The following TRPC1 variants were observed in gnomAD, a reference collection of about 807,000 sequenced individuals.
TRPC1 encodes transient receptor potential cation channel subfamily C member 1.
In TRPC1, 42 loss-of-function variants were observed where a neutral mutation model predicts 88.2. That is an observed-to-expected ratio of 0.48 (90% CI 0.37 to 0.62). The LOEUF (loss-of-function observed/expected upper bound fraction) is 0.62, where lower values mean the gene tolerates loss of function less well. Among genes scored for constraint, TRPC1 ranks in the 20% least tolerant of loss-of-function variants. The pLI, the probability that TRPC1 is intolerant of heterozygous loss-of-function variation, is 0.00. For missense variants in TRPC1, 699 were observed against 957.3 expected (o/e 0.73, Z 3.56); for synonymous variants, 288 against 331.8 (o/e 0.87, Z 1.43).
At chr3:142,754,975 A>G (rs975581399) in intron 4 of TRPC1, among the ~76,000 whole-genome samples, 2 of 152,344 alleles carry the variant, frequency 1.3e-5, no homozygotes, top group Middle Eastern at 3.4e-3. Context: ...GTATTGTGAC[A>G]TTATGCTTCC....
rs950275909 is a variant in TRPC1, at chr3:142,807,821, G to A, written c.*1586G>A. On this transcript the variant is annotated 3_prime_UTR_variant, in exon 13 of 13. Transcript: ENST00000476941. ...ATGCATGAGTTGAGTTGCTTCTGAGGTACATTTTGAATGACAGCATATTGT... is the reference window on the plus strand; with the variant it reads ...ATGCATGAGTTGAGTTGCTTCTGAGATACATTTTGAATGACAGCATATTGT... 6.6e-6 allele frequency: 1 copy of A among 151,780 alleles called. No individual in the cohort carries two copies. Among genetic ancestry groups the A allele is most frequent in the African/African-American group, 2.4e-5 (1 of 41,302 alleles). The allele number at this position is 151,780 out of a possible 1,614,324, so 9.4% of individuals were successfully genotyped here.
chr3:142,760,794 A>T (rs962741162), intron 4 of TRPC1, among the ~76,000 whole-genome samples: 5 of 150,792 alleles, frequency 3.3e-5, no homozygotes, highest in Non-Finnish European at 5.9e-5. Flanking sequence ...TAGATCTTTC[A>T]CTTCTTTGGT....
At chr3:142,768,218 T>C (rs1471370368) in intron 4 of TRPC1, among the ~76,000 whole-genome samples, 1 of 152,132 alleles carries the variant, frequency 6.6e-6, no homozygotes, top group Non-Finnish European at 1.5e-5. Flanking sequence ...TTTCATAGTG[T>C]TGTTTAAATA....
At chr3:142,751,464 G>C (rs1216007875) in intron 4 of TRPC1, among the ~76,000 whole-genome samples, 1 of 152,100 alleles carries the variant, frequency 6.6e-6, no homozygotes, top group Non-Finnish European at 1.5e-5. Flanking sequence ...GTATTTAATG[G>C]GCTATGTCAA....
rs558326258 is a variant in TRPC1 at position 142,737,859 on chromosome 3, G to A, written c.327+1326G>A. On this transcript the variant is annotated intron_variant, in intron 2 of 12. Coordinates refer to ENST00000476941, the MANE Select transcript of TRPC1 (RefSeq NM_001251845.2). ...TATATATGTGTGTTTGTGTATGTGC[G>A]TTTGTGTGTTTATAAGACACAAAAG... is the stretch of plus-strand genomic sequence containing the variant. 2.4e-3 allele frequency among the ~76,000 whole-genome samples: 360 copies of A among 152,172 alleles called. 1 individual carries two copies. The highest frequency in any genetic ancestry group is 4.5e-3 in the Non-Finnish European group (306 of 67,992).
In TRPC1 at chr3:142,770,283, G is replaced by T. The variant is rs190430174; in HGVS notation, c.633-7349G>T. Among the ~76,000 whole-genome samples the T allele has an allele frequency of 1.2e-4, 18 of 151,878 alleles. No individual in the cohort carries two copies. In the East Asian group the frequency reaches 2.5e-3, roughly 21 times the overall value. On this transcript the variant is annotated intron_variant, in intron 4 of 12. Coordinates refer to ENST00000476941, the MANE Select transcript of TRPC1 (RefSeq NM_001251845.2). ...GGCTAATTTTTGTCTTTTTAGTAGA[G>T]ATGGGGTTTCACTATGTTGGCCAGG...
At chr3:142,788,907 G>T (rs1028932017) in intron 7 of TRPC1, among the ~76,000 whole-genome samples, 1 of 152,120 alleles carries the variant, frequency 6.6e-6, no homozygotes, top group African/African-American at 2.4e-5. Context: ...TTGCAGAGGA[G>T]CTGGGAAACT....
intron 1 of TRPC1, among the ~76,000 whole-genome samples, chr3:142,733,537 G>C (rs1934013023): frequency 6.6e-6 from 1 of 151,990 alleles, no homozygotes; most frequent in African/African-American, 2.4e-5. Context: ...AAACTTTAAA[G>C]CTGGAATATA....
At chr3:142,734,574 A>T (rs1334613154) in intron 1 of TRPC1, among the ~76,000 whole-genome samples, 1 of 152,180 alleles carries the variant, frequency 6.6e-6, no homozygotes. Context: ...CAATATGGAG[A>T]TGAAGCAATA....
chr3:142,802,221 T>G lies in TRPC1; in HGVS notation c.1634T>G (p.Leu545Arg). 3 of 1,596,474 alleles carry G rather than the reference T, an allele frequency of 1.9e-6. No homozygotes were observed. The highest frequency in any genetic ancestry group is 2.6e-6 in the Non-Finnish European group (3 of 1,173,376). The change falls in exon 10 of 13, where the codon CTT (leucine) becomes CGT (arginine). Residue 545 changes from leucine (L) to arginine (R), a missense_variant. By Grantham distance (102) the Leu-to-Arg change is moderately radical. Around this residue, in one of 4 missense-constraint regions of TRPC1, gnomAD observed 426 missense variants for 641.3 expected, o/e 0.66. Coordinates refer to ENST00000476941, the MANE Select transcript of TRPC1 (RefSeq NM_001251845.2). The part of the protein sequence containing the change: ...QDFGKFLGMF[L>R]LVLFSFTIGL... ...TTTGGAAAATTTCTTGGGATGTTTC[T>G]TCTTGTTTTGTTTTCTTTCACAATT... is the stretch of plus-strand genomic sequence containing the variant.
chr3:142,798,277 T>C (rs867851892), intron 9 of TRPC1, among the ~76,000 whole-genome samples: 3 of 152,122 alleles, frequency 2.0e-5, no homozygotes, highest in Non-Finnish European at 2.9e-5. Context: ...ATTAAGAAAC[T>C]AAGAAAGTGG....
At chr3:142,753,075 A>G (rs1209523706) in intron 4 of TRPC1, among the ~76,000 whole-genome samples, 1 of 152,122 alleles carries the variant, frequency 6.6e-6, no homozygotes, top group Admixed American at 6.5e-5. Flanking sequence ...TTTCCCTACA[A>G]TTAAGTGTGA....
chr3:142,759,555 G>A (rs568845978), intron 4 of TRPC1, among the ~76,000 whole-genome samples: 2 of 152,192 alleles, frequency 1.3e-5, no homozygotes, highest in African/African-American at 4.8e-5. Context: ...TAAGTTCTTT[G>A]TAGATTCTGG....
chr3:142,803,804 GTTTAAA>G, intron 10 of TRPC1, among the ~76,000 whole-genome samples, 167 bp from the exon 11 acceptor site: 1 of 152,132 alleles, frequency 6.6e-6, no homozygotes. Flanking sequence ...GGGTCTCTTT[GTTTAAA>G]TTTAAAGTAA....
chr3:142,805,143 C>T (rs933365481), intron 12 of TRPC1, among the ~76,000 whole-genome samples: 2 of 151,028 alleles, frequency 1.3e-5, no homozygotes, highest in East Asian at 1.9e-4. Context: ...CACACACACA[C>T]ACACACACAC....
chr3:142,748,212 G>T, intron 3 of TRPC1, 46 bp from the exon 4 acceptor site: 1 of 1,448,900 alleles, frequency 6.9e-7, no homozygotes, highest in Admixed American at 1.9e-5. Context: ...TATATTTTTT[G>T]AAGTCACAAA....
At chr3:142,752,355 A>G (rs1934796626) in intron 4 of TRPC1, among the ~76,000 whole-genome samples, 1 of 152,292 alleles carries the variant, frequency 6.6e-6, no homozygotes, top group Non-Finnish European at 1.5e-5. Flanking sequence ...GGAAAGTACT[A>G]TGCCTGGACG....
rs564507482 is a variant in TRPC1, at chr3:142,740,951, G to C, written c.328-2534G>C. 2.6e-5 allele frequency among the ~76,000 whole-genome samples: 4 copies of C among 152,182 alleles called. No homozygotes were observed. In the South Asian group the frequency reaches 8.3e-4, roughly 32 times the overall value. On this transcript the variant is annotated intron_variant, in intron 2 of 12. Coordinates refer to ENST00000476941, the MANE Select transcript of TRPC1 (RefSeq NM_001251845.2). ...GGACCAGGGTTCTAAAGATTGGAGAGCATCAAATAGAATACTAAGGTGGAA... is the reference window on the plus strand; with the variant it reads ...GGACCAGGGTTCTAAAGATTGGAGACCATCAAATAGAATACTAAGGTGGAA...
At chr3:142,793,922 G>T (rs1936372213) in intron 9 of TRPC1, 1 of 984,464 alleles carries the variant, frequency 1.0e-6, no homozygotes, top group Non-Finnish European at 1.2e-6. Context: ...CCTGAAGTGT[G>T]GCTCTCTTAA....
Sources: allele counts gnomAD v4.1 joint callset (sites outside exome capture counted in the v4.1 genomes callset), GRCh38; gene constraint gnomAD v4.1.1; regional missense constraint gnomAD v4.1.1; transcripts MANE v1.5; gene names NCBI Gene and HGNC (gene_info 2026-07-23, HGNC 2026-07-21).